CEP57L1: variants seen among roughly 807,000 people sequenced by gnomAD.
CEP57L1 encodes centrosomal protein 57 like 1, also known as centrosomal protein CEP57L1.
CEP57L1 carries 37 observed loss-of-function variants against 61.0 expected under a neutral mutation model. That is an observed-to-expected ratio of 0.61 (90% CI 0.47 to 0.80). CEP57L1 has a LOEUF of 0.80. CEP57L1 is among the 30% of genes least tolerant of loss of function. The pLI is 0.00. For synonymous variants in CEP57L1, 137 were observed against 162.3 expected (o/e 0.84, Z 1.19); for missense variants, 422 against 524.7 (o/e 0.80, Z 1.91).
At chr6:109,154,857 AT>A (rs576630847) in intron 5 of CEP57L1, among the ~76,000 whole-genome samples, 1 of 150,342 alleles carries the variant, frequency 6.7e-6, no homozygotes, top group Admixed American at 6.6e-5. Context: ...AAATAGTAGA[AT>A]TTTTTTTTTA....
chr6:109,140,171 C>T (rs560174426), intron 1 of CEP57L1, among the ~76,000 whole-genome samples: 2 of 152,194 alleles, frequency 1.3e-5, no homozygotes, highest in East Asian at 3.9e-4. Context: ...CGGCTCACTG[C>T]AACCTCCGCC....
rs186710013 is a variant in CEP57L1 at position 109,172,445 on chromosome 6, A to G, written c.*9475A>G. Among the ~76,000 whole-genome samples, 125 of 152,352 alleles carry G rather than the reference A, an allele frequency of 8.2e-4. No individual in the cohort carries two copies. The highest frequency in any genetic ancestry group is 1.5e-3 in the Non-Finnish European group (102 of 68,030). On this transcript the variant is annotated 3_prime_UTR_variant, in exon 11 of 11. Coordinates refer to ENST00000517392, the MANE Select transcript of CEP57L1 (RefSeq NM_001271852.3). ...CTACCTGGTATGGCCTAAGGCCCCC[A>G]AGTAAATTAAAACATTCATATCAGG... is the stretch of plus-strand genomic sequence containing the variant.
chr6:109,109,932 T>C (rs1383386898), intron 1 of CEP57L1, among the ~76,000 whole-genome samples: 3 of 152,226 alleles, frequency 2.0e-5, no homozygotes, highest in Non-Finnish European at 4.4e-5. Flanking sequence ...CCTTATCTAA[T>C]CTGTCATTGA....
chr6:109,117,473 C>A (rs151068639), intron 1 of CEP57L1, among the ~76,000 whole-genome samples: 8 of 152,248 alleles, frequency 5.3e-5, no homozygotes, highest in Non-Finnish European at 1.0e-4. Flanking sequence ...GCAAACTGGG[C>A]CAACTACTAT....
At chr6:109,115,142 C>A (rs77107907) in intron 1 of CEP57L1, among the ~76,000 whole-genome samples, 12,065 of 151,866 alleles carry the variant, frequency 0.079, 648 homozygotes, top group Middle Eastern at 0.2. Context: ...CTTCAAAAAT[C>A]TTCTATTGTT....
chr6:109,152,636 CGTGTGTGTGT>C (rs59562316), intron 4 of CEP57L1, among the ~76,000 whole-genome samples: 10,247 of 144,732 alleles, frequency 0.071, 483 homozygotes, highest in African/African-American at 0.13. Context: ...GATGTGCGTG[CGTGTGTGTGT>C]GTGTGTGTGT....
chr6:109,154,825 T>C (rs905553149), intron 5 of CEP57L1, among the ~76,000 whole-genome samples: 8 of 152,102 alleles, frequency 5.3e-5, no homozygotes, highest in Non-Finnish European at 8.8e-5. Context: ...CTCCCAAAAG[T>C]ACACTCTTAT....
rs983982919 is a variant in CEP57L1, at chr6:109,135,004, A to G, written c.-3-10215A>G. On this transcript the variant is annotated intron_variant, in intron 1 of 10. Transcript: ENST00000517392. ...CCATACTGCCCAAAGTAATTTATAG[A>G]TTCAATGCCATCCCCATCAAGCTAC... 2.0e-5 allele frequency among the ~76,000 whole-genome samples: 3 copies of G among 152,194 alleles called. No homozygotes were observed. In the South Asian group the frequency reaches 6.2e-4, roughly 32 times the overall value.
At chr6:109,095,384 A>G (rs567969352), upstream of CEP57L1, 55 of 985,900 alleles carry the variant, frequency 5.6e-5, 1 homozygote, top group Non-Finnish European at 6.0e-6. Flanking sequence ...CGGCCTCTTC[A>G]TTACTCCAAA....
chr6:109,152,341 C>G (rs1772707392), intron 4 of CEP57L1, among the ~76,000 whole-genome samples: 1 of 152,042 alleles, frequency 6.6e-6, no homozygotes, highest in South Asian at 2.1e-4. Flanking sequence ...CCACCACACC[C>G]AGCTAACTTT....
chr6:109,126,977 C>A (rs1243513702), intron 1 of CEP57L1, among the ~76,000 whole-genome samples: 2 of 152,044 alleles, frequency 1.3e-5, no homozygotes, highest in African/African-American at 4.8e-5. Flanking sequence ...ACCATCCTGG[C>A]CAACATGGTG....
At chr6:109,123,002 A>G (rs1335104333) in intron 1 of CEP57L1, among the ~76,000 whole-genome samples, 2 of 152,142 alleles carry the variant, frequency 1.3e-5, no homozygotes, top group African/African-American at 4.8e-5. Flanking sequence ...AAAATGATAT[A>G]TTTATGGGCC....
chr6:109,130,583 A>G (rs768869148), intron 1 of CEP57L1, among the ~76,000 whole-genome samples: 1 of 150,426 alleles, frequency 6.6e-6, no homozygotes, highest in African/African-American at 2.4e-5. Flanking sequence ...TTCTGAATAC[A>G]TATGCAGAAG....
At chr6:109,158,629 T>A (rs1283776993) in intron 7 of CEP57L1, 2 of 460,898 alleles carry the variant, frequency 4.3e-6, no homozygotes, top group African/African-American at 4.0e-5. Context: ...AATTGTTGGG[T>A]CATGTGATAA....
intron 2 of CEP57L1, 114 bp from the exon 3 acceptor site, chr6:109,146,644 G>T (rs1562119991): frequency 3.0e-6 from 2 of 656,950 alleles, no homozygotes; most frequent in South Asian, 2.3e-5. Context: ...TGCATTACTT[G>T]TACATTTTTC....
chr6:109,142,173 T>A (rs978082472), intron 1 of CEP57L1, among the ~76,000 whole-genome samples: 1 of 152,168 alleles, frequency 6.6e-6, no homozygotes, highest in Non-Finnish European at 1.5e-5. Context: ...TCCCTGGTTG[T>A]TCACAAGCTG....
At chr6:109,127,516 T>TC (rs1479175412) in intron 1 of CEP57L1, among the ~76,000 whole-genome samples, 9 of 152,252 alleles carry the variant, frequency 5.9e-5, no homozygotes, top group Admixed American at 5.2e-4. Context: ...TCCTGCTTTT[T>TC]CCCCACTTCT....
At chr6:109,101,807 G>T (rs2114558789) in intron 1 of CEP57L1, among the ~76,000 whole-genome samples, 1 of 151,764 alleles carries the variant, frequency 6.6e-6, no homozygotes, top group African/African-American at 2.4e-5. Context: ...TTTTAGTAGA[G>T]ACGGGGTTTC....
chr6:109,142,946 GCTCTCTCTCTCTCT>G (rs35714375), intron 1 of CEP57L1, among the ~76,000 whole-genome samples: 6,003 of 55,364 alleles, frequency 0.11, 165 homozygotes, highest in Non-Finnish European at 0.15. Context: ...TGTCTCTCTT[GCTCTCTCTCTCTCT>G]CTCTCTCTCT....
Sources: gnomAD v4.1 joint callset for allele counts (sites outside exome capture counted in the v4.1 genomes callset) on GRCh38, gnomAD v4.1.1 for gene constraint, MANE v1.5 for transcripts, NCBI Gene and HGNC (gene_info 2026-07-23, HGNC 2026-07-21) for gene names.